The following CDH13 variants were observed in gnomAD, a reference collection of about 807,000 sequenced individuals.
CDH13 encodes cadherin-13.
Under a neutral mutation model 63.8 loss-of-function variants are expected in CDH13, and 24 were observed. The ratio of observed to expected loss-of-function variants is 0.38; its 90% CI spans 0.27 to 0.53. The LOEUF is 0.53. CDH13 is among the 20% of genes least tolerant of loss of function. The probability of loss-of-function intolerance (pLI) is 0.85; values close to 1 mark genes in which losing one functional copy is unlikely to be tolerated. For missense variants in CDH13, 1,049 were observed against 903.1 expected, an observed-to-expected ratio of 1.16 and a Z score of -2.07; for synonymous variants, 503 against 355.3, an observed-to-expected ratio of 1.42 and a Z score of -4.67.
chr16:82,751,995 A>T (rs1002380676), intron 1 of CDH13, among the ~76,000 whole-genome samples: 1 of 152,184 alleles, frequency 6.6e-6, no homozygotes, highest in Non-Finnish European at 1.5e-5. Flanking sequence ...ACAAACAATG[A>T]CCATGTCTAA....
intron 7 of CDH13, among the ~76,000 whole-genome samples, chr16:83,579,296 C>T (rs1272590001): frequency 1.3e-5 from 2 of 152,116 alleles, no homozygotes; most frequent in Admixed American, 1.3e-4. Flanking sequence ...TGTGTTAGTT[C>T]TCATATTCCT....
chr16:83,660,078 C>G (rs999122176), intron 8 of CDH13, among the ~76,000 whole-genome samples: 2 of 152,138 alleles, frequency 1.3e-5, no homozygotes, highest in Admixed American at 6.5e-5. Flanking sequence ...GAAGCCACCA[C>G]GCCCAGCCAA....
intron 6 of CDH13, among the ~76,000 whole-genome samples, chr16:83,376,790 G>C (rs114061238): frequency 0.022 from 3,366 of 152,168 alleles, 121 homozygotes; most frequent in African/African-American, 0.076. Context: ...GTGAGGAGGG[G>C]ACATTGATTT....
chr16:82,952,493 G>C (rs554698228), intron 2 of CDH13, among the ~76,000 whole-genome samples: 2 of 152,202 alleles, frequency 1.3e-5, no homozygotes, highest in African/African-American at 4.8e-5. Context: ...TGTGAGTTCA[G>C]ATCCCTACAA....
At chr16:82,981,101 G>C (rs920693521) in intron 2 of CDH13, among the ~76,000 whole-genome samples, 6 of 152,042 alleles carry the variant, frequency 3.9e-5, no homozygotes, top group African/African-American at 1.4e-4. Context: ...TTTCCAAAAG[G>C]ACTCCATTTC....
chr16:83,269,790 C>T (rs144114611), intron 5 of CDH13, among the ~76,000 whole-genome samples: 231 of 152,290 alleles, frequency 1.5e-3, no homozygotes, highest in Admixed American at 4.7e-3. Flanking sequence ...ATATGGACAG[C>T]TCACTATCAA....
intron 3 of CDH13, among the ~76,000 whole-genome samples, chr16:83,119,418 C>T (rs778984259): frequency 9.2e-5 from 14 of 152,148 alleles, no homozygotes; most frequent in African/African-American, 2.2e-4. Context: ...GGCTCCTCAA[C>T]GTCAACAGGT....
intron 4 of CDH13, among the ~76,000 whole-genome samples, chr16:83,179,630 C>A (rs919691076): frequency 1.3e-5 from 2 of 149,414 alleles, no homozygotes; most frequent in South Asian, 2.2e-4. Context: ...CCAGCCTGGG[C>A]TACAGAGCGA....
chr16:83,795,390 T>C lies in CDH13; in HGVS notation c.*360T>C. On this transcript the variant is annotated 3_prime_UTR_variant, in exon 14 of 14. Transcript: ENST00000567109. Reference sequence around the variant, plus strand: ...GTCTGTGGGTTAGTATTGGTGTATGTATGAGTATCTGTATGTATATATACA... The same window carrying C: ...GTCTGTGGGTTAGTATTGGTGTATGCATGAGTATCTGTATGTATATATACA... 3.6e-6 allele frequency: 1 copy of C among 275,222 alleles called. No individual in the cohort carries two copies. Among genetic ancestry groups the C allele is most frequent in the Non-Finnish European group, 7.0e-6 (1 of 143,196 alleles). 17.0% of individuals were successfully genotyped at this position (275,222 alleles called of 1,614,324 possible). A position where few individuals can be genotyped will look rare whatever the true frequency, so the allele number is the denominator to read the frequency against.
intron 3 of CDH13, among the ~76,000 whole-genome samples, chr16:83,054,390 A>G (rs990990782): frequency 6.6e-6 from 1 of 152,204 alleles, no homozygotes; most frequent in African/African-American, 2.4e-5. Flanking sequence ...GCCATTAAGT[A>G]AAATAAAGCT....
intron 1 of CDH13, among the ~76,000 whole-genome samples, chr16:82,852,959 C>T (rs554209539): frequency 1.3e-5 from 2 of 151,998 alleles, no homozygotes; most frequent in South Asian, 2.1e-4. Context: ...TGAATCAGTA[C>T]CTGTCAGGAT....
At chr16:82,795,558 C>T (rs962326759) in intron 1 of CDH13, among the ~76,000 whole-genome samples, 4 of 152,182 alleles carry the variant, frequency 2.6e-5, no homozygotes, top group Non-Finnish European at 5.9e-5. Flanking sequence ...CTATGAATTA[C>T]ATACTATATT....
At chr16:83,688,666 G>A (rs901774365) in intron 10 of CDH13, among the ~76,000 whole-genome samples, 3 of 152,092 alleles carry the variant, frequency 2.0e-5, no homozygotes, top group South Asian at 2.1e-4. Flanking sequence ...AACAAACACA[G>A]AGTTTGAAAT....
At chr16:82,645,443 G>T (rs1909980182) in intron 1 of CDH13, among the ~76,000 whole-genome samples, 1 of 152,102 alleles carries the variant, frequency 6.6e-6, no homozygotes, top group Non-Finnish European at 1.5e-5. Flanking sequence ...TGACCCTCGG[G>T]ACAGTTTGCA....
chr16:83,783,744 C>G (rs960787658), intron 13 of CDH13, among the ~76,000 whole-genome samples: 19 of 152,178 alleles, frequency 1.2e-4, no homozygotes, highest in African/African-American at 4.3e-4. Context: ...GCAAAACTTC[C>G]TACAGCTGCC....
intron 5 of CDH13, among the ~76,000 whole-genome samples, chr16:83,265,332 G>T (rs1907481298): frequency 6.6e-6 from 1 of 152,070 alleles, no homozygotes; most frequent in Non-Finnish European, 1.5e-5. Flanking sequence ...GATTATGTGT[G>T]TATTTCGCAT....
At chr16:83,719,588 C>G (rs765424995) in intron 10 of CDH13, among the ~76,000 whole-genome samples, 1 of 152,120 alleles carries the variant, frequency 6.6e-6, no homozygotes, top group Admixed American at 6.6e-5. Context: ...GCGTAGCTAC[C>G]GAGCGCTTCC....
chr16:83,034,357 G>A (rs1043214073), intron 3 of CDH13, among the ~76,000 whole-genome samples: 1 of 152,114 alleles, frequency 6.6e-6, no homozygotes, highest in Non-Finnish European at 1.5e-5. Flanking sequence ...GTGAGTTAAG[G>A]ATAGATGGCA....
At chr16:83,066,761 C>T (rs978943596) in intron 3 of CDH13, among the ~76,000 whole-genome samples, 1 of 152,188 alleles carries the variant, frequency 6.6e-6, no homozygotes, top group Non-Finnish European at 1.5e-5. Flanking sequence ...ATTACTGTCA[C>T]AGAGACTGGA....
Sources: allele counts gnomAD v4.1 joint callset (sites outside exome capture counted in the v4.1 genomes callset), GRCh38; gene constraint gnomAD v4.1.1; transcripts MANE v1.5; gene names NCBI Gene and HGNC (gene_info 2026-07-23, HGNC 2026-07-21).